The following AGAP1 variants were observed in gnomAD, a reference collection of about 807,000 sequenced individuals.
AGAP1 encodes arf-GAP with GTPase, ANK repeat and PH domain-containing protein 1.
AGAP1 carries 29 observed loss-of-function variants against 105.3 expected under a neutral mutation model. The ratio of observed to expected loss-of-function variants is 0.28; its 90% CI spans 0.21 to 0.38. AGAP1 has a LOEUF of 0.38. Among genes scored for constraint, AGAP1 ranks in the 10% least tolerant of loss-of-function variants. The pLI, the probability that AGAP1 is intolerant of heterozygous loss-of-function variation, is 1.00. For synonymous variants in AGAP1, 509 were observed against 485.9 expected (o/e 1.05, Z -0.63); for missense variants, 998 against 1,165.1 (o/e 0.86, Z 2.09).
chr2:236,051,377 C>T lies in AGAP1; in HGVS notation c.2114+2096C>T, dbSNP rs955733983. 5.3e-5 allele frequency among the ~76,000 whole-genome samples: 8 copies of T among 152,194 alleles called. No homozygotes were observed. The highest frequency in any genetic ancestry group is 1.2e-4 in the Non-Finnish European group (8 of 68,032). ...TTCCCTGGTGATTGGTGAAGGCTCT[C>T]AGGGCTGCCTGAGGATGCCAGGGCT... On this transcript the variant is annotated intron_variant, in intron 16 of 17. Coordinates refer to ENST00000304032, the MANE Select transcript of AGAP1 (RefSeq NM_001037131.3). The surrounding 1 kb of genome is among the most constrained non-coding windows in gnomAD (Gnocchi z 5.9).
rs1403068620 is a variant in AGAP1, at chr2:235,679,115, A to G, written c.164-30064A>G. ...ACACATTTAAATTGCCACATGGAGA[A>G]AGCACAGTGTCTTGATTTGGTGGAG... On this transcript the variant is annotated intron_variant, in intron 1 of 17. Coordinates refer to ENST00000304032, the MANE Select transcript of AGAP1 (RefSeq NM_001037131.3). 2.0e-5 allele frequency among the ~76,000 whole-genome samples: 3 copies of G among 152,206 alleles called. No individual in the cohort carries two copies. In the South Asian group the frequency reaches 6.2e-4, roughly 32 times the overall value.
intron 1 of AGAP1, among the ~76,000 whole-genome samples, chr2:235,658,037 G>A (rs890758699): frequency 1.3e-5 from 2 of 152,180 alleles, no homozygotes; most frequent in African/African-American, 4.8e-5. Flanking sequence ...ATAACTAGGT[G>A]TCTGTTGTTT....
At chr2:235,718,453 C>T in intron 3 of AGAP1, 1 of 934,730 alleles carries the variant, frequency 1.1e-6, no homozygotes, top group South Asian at 5.0e-5. Flanking sequence ...GGAAAGGCAC[C>T]ACTTTGTACT....
intron 1 of AGAP1, among the ~76,000 whole-genome samples, chr2:235,675,458 C>T (rs1015722055): frequency 5.3e-5 from 8 of 152,152 alleles, no homozygotes; most frequent in African/African-American, 1.9e-4. Flanking sequence ...GGATTACAAG[C>T]CTGAGCGACC....
At chr2:236,110,434 G>A (rs988514283) in intron 16 of AGAP1, among the ~76,000 whole-genome samples, 1 of 151,950 alleles carries the variant, frequency 6.6e-6, no homozygotes, top group Non-Finnish European at 1.5e-5. Flanking sequence ...GTGGTGATGT[G>A]CACCTGTAGT....
intron 1 of AGAP1, among the ~76,000 whole-genome samples, chr2:235,505,289 G>A (rs553691478): frequency 7.9e-5 from 12 of 152,198 alleles, no homozygotes; most frequent in Admixed American, 1.3e-4. Flanking sequence ...TTGTTCCAGC[G>A]CTGTGTCCTG....
intron 1 of AGAP1, among the ~76,000 whole-genome samples, chr2:235,629,632 G>T (rs993557989): frequency 4.0e-5 from 6 of 151,880 alleles, no homozygotes; most frequent in Admixed American, 2.6e-4. Flanking sequence ...ACTTTGGAAG[G>T]CCAGGGCAGG....
intron 1 of AGAP1, among the ~76,000 whole-genome samples, chr2:235,546,446 T>C (rs1943624309): frequency 6.6e-6 from 1 of 152,174 alleles, no homozygotes; most frequent in African/African-American, 2.4e-5. Flanking sequence ...CTCTTGGTGG[T>C]TCCTGGCGTC....
rs1005984688 is a variant in AGAP1, at chr2:235,989,758, T to C, written c.1645+21135T>C. ...GTCAGTGGGAGGAGGACTGAAGACA[T>C]TGGCAAGCATCAGTCCGTGCGGGAG... On this transcript the variant is annotated intron_variant, in intron 13 of 17. Coordinates refer to ENST00000304032, the MANE Select transcript of AGAP1 (RefSeq NM_001037131.3). The surrounding 1 kb of genome is among the most constrained non-coding windows in gnomAD (Gnocchi z 4.4). Among the ~76,000 whole-genome samples the C allele has an allele frequency of 6.6e-6, 1 of 152,004 alleles. No homozygotes were observed. Among genetic ancestry groups the C allele is most frequent in the African/African-American group, 2.4e-5 (1 of 41,374 alleles).
At chr2:235,598,222 T>C (rs1945605294) in intron 1 of AGAP1, among the ~76,000 whole-genome samples, 1 of 152,200 alleles carries the variant, frequency 6.6e-6, no homozygotes, top group South Asian at 2.1e-4. Flanking sequence ...TGGGCATGTG[T>C]GAGTGGCCCC....
rs1223189562 is a variant in AGAP1 at position 235,620,750 on chromosome 2, A to G, written c.164-88429A>G. Among the ~76,000 whole-genome samples the G allele has an allele frequency of 2.0e-5, 3 of 152,166 alleles. No individual in the cohort carries two copies. The highest frequency in any genetic ancestry group is 4.8e-5 in the African/African-American group (2 of 41,458). The stretch of plus-strand genomic sequence containing the variant: ...GCCGTTTCCCCAGCACCTAGACAGG[A>G]CCTAGCCAATGCTAGGCCCTTTGTC... On this transcript the variant is annotated intron_variant, in intron 1 of 17. Transcript: ENST00000304032. The surrounding 1 kb of genome is among the most constrained non-coding windows in gnomAD (Gnocchi z 4.5).
chr2:235,892,535 C>T (rs1233892637), intron 10 of AGAP1, among the ~76,000 whole-genome samples: 9 of 150,964 alleles, frequency 6.0e-5, no homozygotes, highest in Non-Finnish European at 1.3e-4. Context: ...ACAAAAAGAT[C>T]TGTGATGATT....
intron 10 of AGAP1, among the ~76,000 whole-genome samples, chr2:235,899,292 C>G (rs971209999): frequency 5.3e-5 from 8 of 152,130 alleles, no homozygotes; most frequent in Non-Finnish European, 1.0e-4. Flanking sequence ...GCAGGCGGAT[C>G]ACTTGAGATC....
chr2:235,580,860 A>G (rs1380858256), intron 1 of AGAP1, among the ~76,000 whole-genome samples: 1 of 152,136 alleles, frequency 6.6e-6, no homozygotes, highest in African/African-American at 2.4e-5. Flanking sequence ...GTCTCTGAGC[A>G]GTGGGTTCTT....
intron 16 of AGAP1, among the ~76,000 whole-genome samples, chr2:236,065,373 A>C (rs1314702105): frequency 6.6e-6 from 1 of 152,188 alleles, no homozygotes; most frequent in Non-Finnish European, 1.5e-5. Flanking sequence ...GACTGGATGC[A>C]TTTTATTTCT....
intron 1 of AGAP1, among the ~76,000 whole-genome samples, chr2:235,618,031 A>T (rs920434293): frequency 7.2e-5 from 11 of 152,074 alleles, no homozygotes; most frequent in African/African-American, 2.7e-4. Flanking sequence ...AGAGGATGCA[A>T]CTTGTGTAAC....
intron 1 of AGAP1, among the ~76,000 whole-genome samples, chr2:235,539,077 A>G (rs1326365329): frequency 6.6e-6 from 1 of 152,182 alleles, no homozygotes; most frequent in African/African-American, 2.4e-5. Flanking sequence ...TGAGAAAGAG[A>G]ACCCGTGCCT....
chr2:235,829,471 A>G (rs1959190400), intron 9 of AGAP1, among the ~76,000 whole-genome samples: 1 of 152,244 alleles, frequency 6.6e-6, no homozygotes, highest in South Asian at 2.1e-4. Flanking sequence ...AAGAAAGGGC[A>G]CAGCATTTGA....
At position 235,816,923 on chromosome 2, in the gene AGAP1, T is replaced by C. The variant is rs151089676; in HGVS notation, c.1050+9592T>C. The stretch of plus-strand genomic sequence containing the variant: ...AGATATCTACCAAGACCAAGACTCC[T>C]AAGGAAATTGTATCATTAAAGTCTT... On this transcript the variant is annotated intron_variant, in intron 9 of 17. Transcript: ENST00000304032. 2.9e-3 allele frequency among the ~76,000 whole-genome samples: 441 copies of C among 152,196 alleles called. 2 individuals carry two copies. Among genetic ancestry groups the C allele is most frequent in the East Asian group, 0.02 (104 of 5,180 alleles).
Sources: allele counts gnomAD v4.1 joint callset (sites outside exome capture counted in the v4.1 genomes callset), GRCh38; gene constraint gnomAD v4.1.1; non-coding constraint Gnocchi (gnomAD v3.1); transcripts MANE v1.5; gene names NCBI Gene and HGNC (gene_info 2026-07-23, HGNC 2026-07-21).